Variants in SNTG1 observed in about 807,000 individuals in gnomAD.
SNTG1 encodes the protein gamma-1-syntrophin.
In SNTG1, 39 loss-of-function variants were observed where a neutral mutation model predicts 74.7. The observed-to-expected ratio is 0.52, with a 90% CI of 0.40 to 0.68. The LOEUF (loss-of-function observed/expected upper bound fraction) is 0.68. SNTG1 is among the 30% of genes least tolerant of loss of function. SNTG1 has a pLI of 0.00. For synonymous variants in SNTG1, 254 were observed against 217.1 expected, an observed-to-expected ratio of 1.17 and a Z score of -1.49; for missense variants, 685 against 609.5, an observed-to-expected ratio of 1.12 and a Z score of -1.30.
At chr8:50,230,295 C>G (rs1297455434) in intron 2 of SNTG1, among the ~76,000 whole-genome samples, 1 of 137,130 alleles carries the variant, frequency 7.3e-6, no homozygotes, top group Non-Finnish European at 1.6e-5. Flanking sequence ...ATTAATGAAA[C>G]TGACAAATCT....
intron 1 of SNTG1, among the ~76,000 whole-genome samples, chr8:50,122,913 A>G (rs2081043104): frequency 7.0e-6 from 1 of 142,772 alleles, no homozygotes; most frequent in Non-Finnish European, 1.6e-5. Flanking sequence ...GAATGGAAAT[A>G]CATTTATTTA....
At chr8:50,144,723 G>A (rs1437948513) in intron 1 of SNTG1, among the ~76,000 whole-genome samples, 1 of 152,186 alleles carries the variant, frequency 6.6e-6, no homozygotes, top group Admixed American at 6.5e-5. Context: ...GGCAGGAGGA[G>A]CGGCTGTAGA....
intron 15 of SNTG1, among the ~76,000 whole-genome samples, chr8:50,665,010 T>G (rs1413710520): frequency 6.6e-6 from 1 of 152,198 alleles, no homozygotes; most frequent in Non-Finnish European, 1.5e-5. Context: ...AACAAGTCTT[T>G]GGATGACAGA....
chr8:49,951,891 A>C (rs1160978278), intron 1 of SNTG1, among the ~76,000 whole-genome samples: 1 of 147,280 alleles, frequency 6.8e-6, no homozygotes, highest in African/African-American at 2.5e-5. Context: ...AAAAAAAAAA[A>C]AAAAAAAAAA....
chr8:50,362,473 T>A (rs1273672998), intron 2 of SNTG1, among the ~76,000 whole-genome samples: 2 of 152,166 alleles, frequency 1.3e-5, no homozygotes, highest in African/African-American at 4.8e-5. Flanking sequence ...TAAAGTTGAT[T>A]TTCCTCTCAT....
At chr8:49,931,907 A>G (rs1807629596) in intron 1 of SNTG1, among the ~76,000 whole-genome samples, 1 of 152,232 alleles carries the variant, frequency 6.6e-6, no homozygotes, top group Admixed American at 6.5e-5. Context: ...TTCTGGCTGA[A>G]TGAGGGAGGT....
intron 2 of SNTG1, among the ~76,000 whole-genome samples, chr8:50,235,896 AT>A (rs1281922343): frequency 6.6e-6 from 1 of 152,206 alleles, no homozygotes; most frequent in Non-Finnish European, 1.5e-5. Context: ...AAAGAAAAAA[AT>A]GTTTCTAGCA....
At chr8:50,168,035 ACTT>A (rs940033907) in intron 1 of SNTG1, among the ~76,000 whole-genome samples, 136 of 152,228 alleles carry the variant, frequency 8.9e-4, no homozygotes, top group African/African-American at 3.2e-3. Flanking sequence ...TTATGTGGCT[ACTT>A]CTTGTGCTTT....
intron 17 of SNTG1, among the ~76,000 whole-genome samples, chr8:50,712,463 A>G (rs117616817): frequency 0.025 from 3,799 of 152,240 alleles, 62 homozygotes; most frequent in Middle Eastern, 0.041. Flanking sequence ...CAGATTCCAA[A>G]TGTGTTTTTA....
rs147237782 is a variant in SNTG1 at position 50,430,469 on chromosome 8, C to T, written c.163-8074C>T. ...ACCTGGATTCCCTTCATCCACCACC[C>T]GTTTACTTGTTAAATTTCAATATAC... On this transcript the variant is annotated intron_variant, in intron 4 of 18. Transcript: ENST00000642720. 4.3e-3 allele frequency among the ~76,000 whole-genome samples: 648 copies of T among 152,136 alleles called. 3 individuals are homozygous for T. Among genetic ancestry groups the T allele is most frequent in the African/African-American group, 0.013 (523 of 41,512 alleles).
intron 13 of SNTG1, among the ~76,000 whole-genome samples, chr8:50,610,011 T>A (rs1367037202): frequency 6.6e-6 from 1 of 152,100 alleles, no homozygotes; most frequent in African/African-American, 2.4e-5. Flanking sequence ...CAGAAATGAA[T>A]CTCACTTTCT....
intron 2 of SNTG1, among the ~76,000 whole-genome samples, chr8:50,185,561 A>C (rs527450537): frequency 3.9e-5 from 6 of 152,346 alleles, no homozygotes; most frequent in African/African-American, 1.4e-4. Context: ...AAGTTCCCAC[A>C]TAGACCATAC....
intron 12 of SNTG1, among the ~76,000 whole-genome samples, chr8:50,558,153 C>T (rs2094467122): frequency 6.6e-6 from 1 of 152,166 alleles, no homozygotes; most frequent in African/African-American, 2.4e-5. Context: ...CCTCATGCCA[C>T]AAAAACTAAT....
intron 1 of SNTG1, among the ~76,000 whole-genome samples, chr8:50,003,249 TTG>T (rs1486212658): frequency 1.3e-5 from 2 of 152,172 alleles, no homozygotes; most frequent in East Asian, 3.9e-4. Flanking sequence ...GATATAAAAA[TTG>T]TCTCACTATA....
intron 1 of SNTG1, among the ~76,000 whole-genome samples, chr8:49,928,234 TTC>T (rs200161720): frequency 2.6e-5 from 1 of 38,684 alleles, no homozygotes; most frequent in African/African-American, 1.0e-4. Flanking sequence ...GTTTTTTTGT[TTC>T]TTTTTTTTTG....
intron 5 of SNTG1, among the ~76,000 whole-genome samples, chr8:50,440,422 T>C (rs935663954): frequency 1.3e-5 from 2 of 152,092 alleles, no homozygotes; most frequent in African/African-American, 2.4e-5. Context: ...TTCTTTTAAC[T>C]AGCAGTGTTA....
intron 2 of SNTG1, among the ~76,000 whole-genome samples, chr8:50,308,654 A>G (rs2089992174): frequency 6.6e-6 from 1 of 152,112 alleles, no homozygotes; most frequent in Non-Finnish European, 1.5e-5. Flanking sequence ...AGAGCACACT[A>G]CCATTAATTT....
At chr8:50,683,197 A>G (rs1410530161) in intron 15 of SNTG1, among the ~76,000 whole-genome samples, 1 of 152,166 alleles carries the variant, frequency 6.6e-6, no homozygotes. Context: ...CCTACTATGG[A>G]TATTTCTGTA....
At chr8:49,992,006 A>G (rs1035341350) in intron 1 of SNTG1, among the ~76,000 whole-genome samples, 1 of 152,192 alleles carries the variant, frequency 6.6e-6, no homozygotes, top group Non-Finnish European at 1.5e-5. Context: ...GAGAATTCTT[A>G]ATGATTTCTC....
Sources: allele counts gnomAD v4.1 joint callset (sites outside exome capture counted in the v4.1 genomes callset), GRCh38; gene constraint gnomAD v4.1.1; transcripts MANE v1.5; gene names NCBI Gene and HGNC (gene_info 2026-07-23, HGNC 2026-07-21).